Variants in PCDHGB6 observed in about 807,000 individuals in gnomAD.
The protein encoded by PCDHGB6 is protocadherin gamma subfamily B, 6.
A neutral mutation model predicts 59.1 loss-of-function variants in PCDHGB6; 51 were observed. That is an observed-to-expected ratio of 0.86 (90% CI 0.69 to 1.09). The LOEUF (loss-of-function observed/expected upper bound fraction) is 1.09. Ranked by LOEUF, PCDHGB6 falls within the 50% of genes least tolerant of loss-of-function variation. The pLI, the probability that PCDHGB6 is intolerant of heterozygous loss-of-function variation, is 0.00. For synonymous variants in PCDHGB6, 466 were observed against 495.1 expected, an observed-to-expected ratio of 0.94 and a Z score of 0.78; for missense variants, 1,148 against 1,205.1, an observed-to-expected ratio of 0.95 and a Z score of 0.70.
intron 1 of PCDHGB6, among the ~76,000 whole-genome samples, chr5:141,449,588 C>CA (rs768743917): frequency 0.036 from 2,064 of 56,756 alleles, 20 homozygotes; most frequent in Middle Eastern, 0.06. Context: ...GACTCTGTCT[C>CA]AAAAAAAAAA....
intron 2 of PCDHGB6, among the ~76,000 whole-genome samples, chr5:141,502,239 A>G (rs2099813426): frequency 6.6e-6 from 1 of 152,148 alleles, no homozygotes; most frequent in Admixed American, 6.5e-5. Flanking sequence ...GTGTTCTTTT[A>G]TCCTTTTTTT....
At position 141,490,819 on chromosome 5, in the gene PCDHGB6, C is replaced by T; in HGVS notation, c.2419-3988C>T. Reference sequence around the variant, plus strand: ...CCAGCGTACCTTTGACTATGAATTGCTGCAGATGCTGCAGATTGTGGTGGG... The same window carrying T: ...CCAGCGTACCTTTGACTATGAATTGTTGCAGATGCTGCAGATTGTGGTGGG... On this transcript the variant is annotated intron_variant, in intron 1 of 3. Transcript: ENST00000520790. This position sits in a 1 kb window ranked among gnomAD's most constrained non-coding sequence, Gnocchi z 5.4. 2 of 1,613,842 alleles carry T rather than the reference C, an allele frequency of 1.2e-6. No individual in the cohort carries two copies. Among genetic ancestry groups the T allele is most frequent in the Non-Finnish European group, 8.5e-7 (1 of 1,179,804 alleles).
intron 2 of PCDHGB6, among the ~76,000 whole-genome samples, chr5:141,504,141 T>C (rs1289360763): frequency 6.6e-6 from 1 of 152,192 alleles, no homozygotes; most frequent in East Asian, 1.9e-4. Flanking sequence ...AACACTCCCC[T>C]GCAAATTGAA....
In PCDHGB6 at chr5:141,476,784, C is replaced by A; in HGVS notation, c.2419-18023C>A. 1 of 1,613,520 alleles carries A rather than the reference C, an allele frequency of 6.2e-7. No homozygotes were observed. On this transcript the variant is annotated intron_variant, in intron 1 of 3. Transcript: ENST00000520790. The surrounding 1 kb of genome is among the most constrained non-coding windows in gnomAD (Gnocchi z 7.6). ...ACGGCGTTGGACGGAGGGACCCCAGCTCTCTCCGCCAGCCTGCCTATTCAC... is the reference window on the plus strand; with the variant it reads ...ACGGCGTTGGACGGAGGGACCCCAGATCTCTCCGCCAGCCTGCCTATTCAC...
chr5:141,444,494 A>G (rs892854259), intron 1 of PCDHGB6, among the ~76,000 whole-genome samples: 1 of 152,010 alleles, frequency 6.6e-6, no homozygotes, highest in Admixed American at 6.6e-5. Flanking sequence ...ATATTGTGTA[A>G]TACTTTGCTC....
chr5:141,427,875 C>A, intron 1 of PCDHGB6: 1 of 1,560,408 alleles, frequency 6.4e-7, no homozygotes. Flanking sequence ...GCTCACGATG[C>A]AGGCCCACGA....
In PCDHGB6 at chr5:141,409,945, T is replaced by C. The variant is rs777813706; in HGVS notation, c.1743T>C (p.Ser581=). The C allele has an allele frequency of 6.8e-6, 11 of 1,613,312 alleles. No individual in the cohort carries two copies. Among genetic ancestry groups the C allele is most frequent in the Non-Finnish European group, 9.3e-6 (11 of 1,179,740 alleles). ...CGTTCTTCGATATGGTACCTCGCTC[T>C]GCAGAGCCCGGCTACCTAGTGACTA... is the stretch of plus-strand genomic sequence containing the variant. ...GSAFFDMVPR[S]AEPGYLVTKV... The change falls in exon 1 of 4, where the codon TCT becomes TCC. Residue 581 remains serine, a synonymous_variant. Coordinates refer to ENST00000520790, the MANE Select transcript of PCDHGB6 (RefSeq NM_018926.3).
chr5:141,492,880 T>C (rs1204475362), intron 1 of PCDHGB6, among the ~76,000 whole-genome samples: 2 of 152,184 alleles, frequency 1.3e-5, no homozygotes, highest in African/African-American at 4.8e-5. Context: ...CCCCCAGAGA[T>C]ACAGGCTTTT....
chr5:141,413,671 G>A (rs2095665360), intron 1 of PCDHGB6: 13 of 1,613,878 alleles, frequency 8.1e-6, no homozygotes, highest in Non-Finnish European at 9.3e-6. Flanking sequence ...TGATCCGGAT[G>A]TGGGCGTGAA....
chr5:141,470,872 TTTTTTG>T (rs900302332), intron 1 of PCDHGB6, among the ~76,000 whole-genome samples: 3 of 151,814 alleles, frequency 2.0e-5, no homozygotes, highest in African/African-American at 4.8e-5. Context: ...GTTTGTTTGT[TTTTTTG>T]TTTTTGTTTT....
intron 1 of PCDHGB6, among the ~76,000 whole-genome samples, chr5:141,438,745 T>C (rs1004731034): frequency 4.7e-5 from 7 of 147,392 alleles, no homozygotes; most frequent in Non-Finnish European, 1.0e-4. Flanking sequence ...CACTGCAACC[T>C]CTGCCTCCTG....
At position 141,493,026 on chromosome 5, in the gene PCDHGB6, C is replaced by G. The variant is rs73280358; in HGVS notation, c.2419-1781C>G. Reference sequence around the variant, plus strand: ...TAGGCTCTGCCAGATGCCAGGGTGCCCTTATGTGTGAGGAAACTACAATAG... The same window carrying G: ...TAGGCTCTGCCAGATGCCAGGGTGCGCTTATGTGTGAGGAAACTACAATAG... On this transcript the variant is annotated intron_variant, in intron 1 of 3. Coordinates refer to ENST00000520790, the MANE Select transcript of PCDHGB6 (RefSeq NM_018926.3). This position sits in a 1 kb window ranked among gnomAD's most constrained non-coding sequence, Gnocchi z 4.3. 0.039 allele frequency among the ~76,000 whole-genome samples: 5,923 copies of G among 152,298 alleles called. 150 individuals are homozygous for G. The highest frequency in any genetic ancestry group is 0.077 in the South Asian group (370 of 4,822).
chr5:141,414,721 G>A (rs373261988), intron 1 of PCDHGB6: 29 of 1,614,004 alleles, frequency 1.8e-5, no homozygotes, highest in Middle Eastern at 1.6e-4. Flanking sequence ...CTCAGACACT[G>A]GCGTCCTGTA....
chr5:141,487,689 A>G lies in PCDHGB6; in HGVS notation c.2419-7118A>G. 6.2e-7 allele frequency: 1 copy of G among 1,605,144 alleles called. No homozygotes were observed. The highest frequency in any genetic ancestry group is 1.7e-4 in the Middle Eastern group (1 of 6,050). ...GGCATATGGCTAGGCCATGTCCTAG[A>G]GAGTACTGGCCTCTCAGTAAGTGCC... On this transcript the variant is annotated intron_variant, in intron 1 of 3. Coordinates refer to ENST00000520790, the MANE Select transcript of PCDHGB6 (RefSeq NM_018926.3). This position sits in a 1 kb window ranked among gnomAD's most constrained non-coding sequence, Gnocchi z 5.0.
intron 1 of PCDHGB6, among the ~76,000 whole-genome samples, chr5:141,468,281 C>T (rs568875291): frequency 6.8e-6 from 1 of 147,354 alleles, no homozygotes; most frequent in African/African-American, 2.5e-5. Flanking sequence ...GCCGAGACCA[C>T]GCCATTGCAC....
chr5:141,478,118 G>A (rs1266841885), intron 1 of PCDHGB6: 1 of 1,613,930 alleles, frequency 6.2e-7, no homozygotes, highest in East Asian at 2.2e-5. Context: ...GTCAGTAACC[G>A]AGGACTCTCC....
intron 1 of PCDHGB6, chr5:141,429,173 C>CA (rs1561839883): frequency 7.9e-6 from 1 of 125,872 alleles, no homozygotes; most frequent in Non-Finnish European, 1.7e-5. Flanking sequence ...TGTTTATACA[C>CA]ACACACACAC....
chr5:141,500,345 A>G (rs1459262760), intron 2 of PCDHGB6, among the ~76,000 whole-genome samples: 3 of 151,916 alleles, frequency 2.0e-5, no homozygotes, highest in Non-Finnish European at 4.4e-5. Context: ...AATAGCTGGG[A>G]CTACAGGCGC....
At chr5:141,467,537 A>G (rs2154569542) in intron 1 of PCDHGB6, among the ~76,000 whole-genome samples, 1 of 152,192 alleles carries the variant, frequency 6.6e-6, no homozygotes, top group Non-Finnish European at 1.5e-5. Context: ...TGAGATATGG[A>G]TCTGATTATA....
Sources: gnomAD v4.1 joint callset for allele counts (sites outside exome capture counted in the v4.1 genomes callset) on GRCh38, gnomAD v4.1.1 for gene constraint, Gnocchi (gnomAD v3.1) non-coding constraint, MANE v1.5 for transcripts, NCBI Gene and HGNC (gene_info 2026-07-23, HGNC 2026-07-21) for gene names.